Variants in SLC13A3 observed in about 807,000 individuals in gnomAD.
SLC13A3 encodes the protein Na(+)/dicarboxylate cotransporter 3.
A neutral mutation model predicts 59.0 loss-of-function variants in SLC13A3; 40 were observed. That is an observed-to-expected ratio of 0.68 (90% CI 0.53 to 0.88). SLC13A3 has a LOEUF of 0.88. SLC13A3 is among the 40% of genes least tolerant of loss of function. The probability of loss-of-function intolerance (pLI) is 0.00; values close to 1 mark genes in which losing one functional copy is unlikely to be tolerated. For missense variants in SLC13A3, 699 were observed against 783.2 expected, an observed-to-expected ratio of 0.89 and a Z score of 1.28; for synonymous variants, 317 against 330.3, an observed-to-expected ratio of 0.96 and a Z score of 0.44.
intron 12 of SLC13A3, among the ~76,000 whole-genome samples, chr20:46,562,944 G>A (rs991747538): frequency 1.3e-5 from 2 of 152,196 alleles, no homozygotes; most frequent in African/African-American, 4.8e-5. Flanking sequence ...AGTCAGGAGC[G>A]GGAAGGGAGG....
chr20:46,583,903 T>C (rs2062165055), intron 8 of SLC13A3: 1 of 985,394 alleles, frequency 1.0e-6, no homozygotes, highest in Non-Finnish European at 1.2e-6. Context: ...AATGCTTATC[T>C]TCCCAACTCA....
rs2061917558 is a variant in SLC13A3 at position 46,560,070 on chromosome 20, G to A, written c.1761C>T (p.Val587=). The change falls in exon 13 of 13, where the codon GTC becomes GTT. Residue 587 remains valine (V), a synonymous_variant. Transcript: ENST00000279027. The part of the protein sequence containing the change: ...PDWADMYSVN[V]TALPPTLAND... ...TGGCCAAGGTGGGTGGCAATGCTGTGACATTGACCGAGTACATATCAGCCC... is the reference window on the plus strand; with the variant it reads ...TGGCCAAGGTGGGTGGCAATGCTGTAACATTGACCGAGTACATATCAGCCC... 1.2e-6 allele frequency: 2 copies of A among 1,614,166 alleles called. No homozygotes were observed. The highest frequency in any genetic ancestry group is 1.7e-6 in the Non-Finnish European group (2 of 1,180,030).
chr20:46,624,763 T>A (rs2062651456), intron 1 of SLC13A3, among the ~76,000 whole-genome samples: 1 of 152,108 alleles, frequency 6.6e-6, no homozygotes, highest in Admixed American at 6.5e-5. Context: ...TCCAAAGATG[T>A]GAGGAGGGAA....
chr20:46,639,954 G>C (rs1568951648), intron 1 of SLC13A3, among the ~76,000 whole-genome samples: 1 of 152,182 alleles, frequency 6.6e-6, no homozygotes, highest in Non-Finnish European at 1.5e-5. Flanking sequence ...GTGGGAGCTT[G>C]GGCAAGTGAG....
chr20:46,592,499 G>A lies in SLC13A3; in HGVS notation c.825C>T (p.Phe275=), dbSNP rs767379024. 1.5e-5 allele frequency: 25 copies of A among 1,613,634 alleles called. No homozygotes were observed. The highest frequency in any genetic ancestry group is 8.3e-5 in the Admixed American group (5 of 59,974). The stretch of plus-strand genomic sequence containing the variant: ...GGAAGGCGAAAATGAACCAGGAGCC[G>A]AAATTCACCACGTCACACTGCGGAA... The part of the protein sequence containing the change: ...SFFPQCDVVN[F]GSWFIFAFPL... Residue 275 remains phenylalanine (F), a synonymous_variant, in exon 6 of 13, where the codon TTC becomes TTT. Transcript: ENST00000279027.
At chr20:46,603,990 C>CAA (rs532575671) in intron 3 of SLC13A3, among the ~76,000 whole-genome samples, 97 of 64,548 alleles carry the variant, frequency 1.5e-3, no homozygotes, top group African/African-American at 5.0e-3. Flanking sequence ...GACGCCATCT[C>CAA]AAAAAAAAAA....
intron 1 of SLC13A3, among the ~76,000 whole-genome samples, chr20:46,650,476 T>C (rs1180972248): frequency 2.0e-5 from 3 of 152,226 alleles, no homozygotes; most frequent in African/African-American, 7.2e-5. Flanking sequence ...TCATGAATCT[T>C]ACCGTCCTCA....
Position 46,669,173 on chromosome 20 carries a change from C to T in SLC13A3, c.-31+870G>A, listed in dbSNP as rs140572338. ...TTTCTTGTTGGAGTCATCAGAAGAT[C>T]AAGAAGTTATTATATGTGTTGAGTG... On this transcript the variant is annotated intron_variant, in intron 1 of 12. Coordinates refer to the SLC13A3 transcript ENST00000290317. Among the ~76,000 whole-genome samples, 491 of 152,254 alleles carry T rather than the reference C, an allele frequency of 3.2e-3. 6 individuals are homozygous for T. The highest frequency in any genetic ancestry group is 0.011 in the African/African-American group (457 of 41,554).
chr20:46,609,085 C>A, intron 3 of SLC13A3: 1 of 1,546,350 alleles, frequency 6.5e-7, no homozygotes, highest in South Asian at 1.2e-5. Flanking sequence ...GAATCAATGC[C>A]GGGGTTAAAC....
intron 1 of SLC13A3, among the ~76,000 whole-genome samples, chr20:46,677,179 G>A (rs2063131100): frequency 6.6e-6 from 1 of 152,170 alleles, no homozygotes; most frequent in Admixed American, 6.5e-5. Context: ...ATTCCAAAGT[G>A]CTGGCATTAC....
chr20:46,651,713 C>T (rs571694424), upstream of SLC13A3, among the ~76,000 whole-genome samples: 2 of 152,366 alleles, frequency 1.3e-5, no homozygotes, highest in African/African-American at 2.4e-5. Context: ...CTGGCTTATC[C>T]TCTCCTCGCC....
intron 8 of SLC13A3, among the ~76,000 whole-genome samples, chr20:46,586,859 C>CA (rs1311178804): frequency 6.6e-6 from 1 of 152,180 alleles, no homozygotes; most frequent in Non-Finnish European, 1.5e-5. Flanking sequence ...TTGCAGGCCA[C>CA]ATGGTGTTTG....
intron 1 of SLC13A3, among the ~76,000 whole-genome samples, chr20:46,656,559 A>G (rs1041993415): frequency 2.7e-5 from 4 of 146,766 alleles, no homozygotes; most frequent in South Asian, 2.1e-4. Flanking sequence ...TATACTGTAT[A>G]TGATATATAC....
chr20:46,590,716 G>A (rs1055897365), intron 6 of SLC13A3, among the ~76,000 whole-genome samples: 1 of 152,058 alleles, frequency 6.6e-6, no homozygotes. Flanking sequence ...AAACATGTAC[G>A]ATTTTTATGA....
intron 12 of SLC13A3, among the ~76,000 whole-genome samples, chr20:46,562,901 T>G (rs2061943385): frequency 6.6e-6 from 1 of 152,158 alleles, no homozygotes. Flanking sequence ...AAGGGTTATT[T>G]GCAAAGCCAG....
In SLC13A3 at chr20:46,622,252, T is replaced by C. The variant is rs111586102; in HGVS notation, c.112-8527A>G. Among the ~76,000 whole-genome samples the C allele has an allele frequency of 6.3e-3, 953 of 152,270 alleles. 14 individuals carry two copies. Among genetic ancestry groups the C allele is most frequent in the African/African-American group, 0.022 (912 of 41,554 alleles). On this transcript the variant is annotated intron_variant, in intron 1 of 12. Coordinates refer to ENST00000279027, the MANE Select transcript of SLC13A3 (RefSeq NM_022829.6). ...AGTTCAGGAGGTAGAGATGAGTAAGTGAACATCTGCCCTTGAGGATCTCAG... is the reference window on the plus strand; with the variant it reads ...AGTTCAGGAGGTAGAGATGAGTAAGCGAACATCTGCCCTTGAGGATCTCAG...
intron 3 of SLC13A3, among the ~76,000 whole-genome samples, chr20:46,608,503 C>T (rs552946325): frequency 4.5e-4 from 68 of 152,284 alleles, no homozygotes; most frequent in African/African-American, 1.5e-3. Flanking sequence ...TCTGCCGTTG[C>T]ATAGAGCTGA....
intron 1 of SLC13A3, among the ~76,000 whole-genome samples, chr20:46,641,252 T>C (rs556466855): frequency 6.6e-6 from 1 of 152,306 alleles, no homozygotes; most frequent in African/African-American, 2.4e-5. Flanking sequence ...AATCAGAACT[T>C]GTGTTCAAAT....
chr20:46,608,655 GAA>G (rs2062460742), intron 3 of SLC13A3: 1 of 451,534 alleles, frequency 2.2e-6, no homozygotes. Flanking sequence ...GTATGACGGG[GAA>G]ATACTCATGT....
Sources: allele counts gnomAD v4.1 joint callset (sites outside exome capture counted in the v4.1 genomes callset), GRCh38; gene constraint gnomAD v4.1.1; transcripts MANE v1.5; gene names NCBI Gene and HGNC (gene_info 2026-07-23, HGNC 2026-07-21).